JARID2: variants seen among roughly 807,000 people sequenced by gnomAD.
The protein encoded by JARID2 is jumonji and AT-rich interaction domain containing 2.
A neutral mutation model predicts 125.6 loss-of-function variants in JARID2; 21 were observed. The observed-to-expected ratio is 0.17, with a 90% CI of 0.12 to 0.24. The LOEUF (loss-of-function observed/expected upper bound fraction) is 0.24, where lower values mean the gene tolerates loss of function less well. Among genes scored for constraint, JARID2 ranks in the 10% least tolerant of loss-of-function variants. The pLI is 1.00. For missense variants in JARID2, 1,303 were observed against 1,639.6 expected, an observed-to-expected ratio of 0.79 and a Z score of 3.55; for synonymous variants, 736 against 661.6, an observed-to-expected ratio of 1.11 and a Z score of -1.73.
intron 17 of JARID2, among the ~76,000 whole-genome samples, chr6:15,518,337 C>T (rs534647838): frequency 6.6e-6 from 1 of 152,264 alleles, no homozygotes; most frequent in African/African-American, 2.4e-5. Flanking sequence ...GTGACCAGAT[C>T]CTGGGAAAAG....
At chr6:15,462,583 A>T (rs1170342546) in intron 4 of JARID2, among the ~76,000 whole-genome samples, 1 of 152,216 alleles carries the variant, frequency 6.6e-6, no homozygotes, top group African/African-American at 2.4e-5. Context: ...TTAATTTGAT[A>T]GTCGGGGTTG....
chr6:15,442,132 A>G (rs1767474927), intron 3 of JARID2, among the ~76,000 whole-genome samples: 1 of 151,962 alleles, frequency 6.6e-6, no homozygotes, highest in African/African-American at 2.4e-5. Context: ...AGGAAGTAAA[A>G]CAGGATTCTC....
chr6:15,411,445 G>A (rs960924081), intron 3 of JARID2, among the ~76,000 whole-genome samples: 2 of 152,174 alleles, frequency 1.3e-5, no homozygotes, highest in African/African-American at 4.8e-5. Flanking sequence ...CATTGAATCT[G>A]TATTCTTCTC....
intron 1 of JARID2, among the ~76,000 whole-genome samples, chr6:15,261,342 T>C (rs992388046): frequency 7.1e-6 from 1 of 140,452 alleles, no homozygotes; most frequent in Admixed American, 7.5e-5. Flanking sequence ...TGAGACGGAG[T>C]CTTGCTCTGT....
chr6:15,275,735 A>G (rs1760479749), intron 1 of JARID2, among the ~76,000 whole-genome samples: 5 of 151,962 alleles, frequency 3.3e-5, no homozygotes, highest in Admixed American at 3.3e-4. Context: ...TAGTGGGGAA[A>G]ATTTCATTCC....
intron 1 of JARID2, among the ~76,000 whole-genome samples, chr6:15,355,422 A>G (rs1291363139): frequency 6.6e-6 from 1 of 152,168 alleles, no homozygotes; most frequent in Non-Finnish European, 1.5e-5. Flanking sequence ...TCATATGGGG[A>G]TAAAATACTA....
At chr6:15,343,296 A>G (rs1763134189) in intron 1 of JARID2, among the ~76,000 whole-genome samples, 1 of 152,044 alleles carries the variant, frequency 6.6e-6, no homozygotes, top group Non-Finnish European at 1.5e-5. Flanking sequence ...GATTTAAAAA[A>G]AAAAAAAAGC....
At chr6:15,470,300 A>G (rs965532888) in intron 5 of JARID2, among the ~76,000 whole-genome samples, 1 of 152,144 alleles carries the variant, frequency 6.6e-6, no homozygotes, top group Non-Finnish European at 1.5e-5. Flanking sequence ...CTTAGGACCC[A>G]CTGAGACCCT....
intron 6 of JARID2, 49 bp downstream of exon 6, chr6:15,487,591 A>G: frequency 7.0e-7 from 1 of 1,430,548 alleles, no homozygotes; most frequent in Non-Finnish European, 9.4e-7. Flanking sequence ...CCAGTTTCCC[A>G]CTTCACTTCA....
chr6:15,326,081 C>G (rs1762524512), intron 1 of JARID2, among the ~76,000 whole-genome samples: 2 of 152,108 alleles, frequency 1.3e-5, no homozygotes, highest in African/African-American at 4.8e-5. Context: ...ATATGAAACC[C>G]AGGTAAACAG....
intron 1 of JARID2, among the ~76,000 whole-genome samples, chr6:15,328,775 T>C (rs552359215): frequency 5.4e-4 from 83 of 152,336 alleles, no homozygotes; most frequent in African/African-American, 1.9e-3. Context: ...GATGACTTCA[T>C]TTACACCTGT....
At chr6:15,324,735 TGCCTCG>T (rs1271670772) in intron 1 of JARID2, among the ~76,000 whole-genome samples, 1 of 151,532 alleles carries the variant, frequency 6.6e-6, no homozygotes, top group African/African-American at 2.4e-5. Flanking sequence ...GTGATCCTCC[TGCCTCG>T]GCCTCTCACA....
At chr6:15,295,226 A>G (rs1761368569) in intron 1 of JARID2, among the ~76,000 whole-genome samples, 1 of 145,462 alleles carries the variant, frequency 6.9e-6, no homozygotes, top group Non-Finnish European at 1.5e-5. Flanking sequence ...GGTTCACGCC[A>G]TTCTCCTGCC....
At chr6:15,339,136 G>A (rs1021969120) in intron 1 of JARID2, among the ~76,000 whole-genome samples, 6 of 152,058 alleles carry the variant, frequency 3.9e-5, no homozygotes, top group East Asian at 1.9e-4. Flanking sequence ...GACGGGAAGC[G>A]GAGACACTTT....
At chr6:15,294,265 T>C (rs935632107) in intron 1 of JARID2, among the ~76,000 whole-genome samples, 2 of 152,180 alleles carry the variant, frequency 1.3e-5, no homozygotes, top group African/African-American at 4.8e-5. Context: ...TGATCTTGGC[T>C]CACTGCAGCC....
chr6:15,274,321 G>GT (rs1413471881), intron 1 of JARID2, among the ~76,000 whole-genome samples: 1 of 152,050 alleles, frequency 6.6e-6, no homozygotes, highest in Non-Finnish European at 1.5e-5. Flanking sequence ...TGTCTTTAAT[G>GT]TTTTTTTGTG....
intron 1 of JARID2, among the ~76,000 whole-genome samples, chr6:15,355,979 C>T (rs934947865): frequency 2.6e-5 from 4 of 152,152 alleles, no homozygotes; most frequent in African/African-American, 9.7e-5. Context: ...GCAGTAGTCC[C>T]CCCTCCTTTC....
intron 1 of JARID2, among the ~76,000 whole-genome samples, chr6:15,322,818 G>A (rs543745133): frequency 7.2e-4 from 109 of 152,330 alleles, no homozygotes; most frequent in African/African-American, 2.6e-3. Context: ...AGAGGGGATA[G>A]TTGATTTCCT....
At chr6:15,347,022 C>T (rs1410172516) in intron 1 of JARID2, among the ~76,000 whole-genome samples, 1 of 152,120 alleles carries the variant, frequency 6.6e-6, no homozygotes, top group African/African-American at 2.4e-5. Context: ...GTGTGAGCCA[C>T]CATTCCCTGG....
Sources: allele counts gnomAD v4.1 joint callset (sites outside exome capture counted in the v4.1 genomes callset), GRCh38; gene constraint gnomAD v4.1.1; transcripts MANE v1.5; gene names NCBI Gene and HGNC (gene_info 2026-07-23, HGNC 2026-07-21).